Variants in REDIC1 observed in about 807,000 individuals in gnomAD.
REDIC1 encodes HEI10 Interacting Protein 1.
the REDIC1 span, among the ~76,000 whole-genome samples, chr12:39,873,215 C>T: frequency 6.6e-6 from 1 of 152,252 alleles, no homozygotes; most frequent in Non-Finnish European, 1.5e-5. Flanking sequence ...TTACTGATCA[C>T]ACTAAAAAGC....
At chr12:39,906,470 T>C in the REDIC1 span, among the ~76,000 whole-genome samples, 1 of 152,148 alleles carries the variant, frequency 6.6e-6, no homozygotes, top group Non-Finnish European at 1.5e-5. Flanking sequence ...AGGGGAAAGT[T>C]ACAGCATTTA....
the REDIC1 span, among the ~76,000 whole-genome samples, chr12:39,691,365 A>T: frequency 2.7e-3 from 418 of 152,284 alleles, 5 homozygotes; most frequent in African/African-American, 8.2e-3. Flanking sequence ...ATAGAAAAAA[A>T]TTTTTATAAG....
chr12:39,720,181 G>C, the REDIC1 span, among the ~76,000 whole-genome samples: 1 of 151,796 alleles, frequency 6.6e-6, no homozygotes, highest in Non-Finnish European at 1.5e-5. Context: ...TATAACAGTT[G>C]AGATATGTAT....
At chr12:39,711,622 T>C in the REDIC1 span, among the ~76,000 whole-genome samples, 3 of 66,566 alleles carry the variant, frequency 4.5e-5, 1 homozygote, top group Non-Finnish European at 1.2e-4. Flanking sequence ...TGTATGTGTA[T>C]ACACGTATGT....
At chr12:39,642,162 A>T in the REDIC1 span, among the ~76,000 whole-genome samples, 1 of 151,912 alleles carries the variant, frequency 6.6e-6, no homozygotes, top group East Asian at 1.9e-4. Flanking sequence ...TGACAAAAAA[A>T]TTGAGCTTAG....
At chr12:39,671,226 G>C in the REDIC1 span, among the ~76,000 whole-genome samples, 1 of 152,164 alleles carries the variant, frequency 6.6e-6, no homozygotes, top group Non-Finnish European at 1.5e-5. Context: ...CCATAAAGTT[G>C]GTTGGGTAGG....
At chr12:39,646,926 A>G in the REDIC1 span, 1 of 1,343,358 alleles carries the variant, frequency 7.4e-7, no homozygotes, top group Non-Finnish European at 1.0e-6. Context: ...TTATTTCAGC[A>G]ATTGTGATAT....
the REDIC1 span, among the ~76,000 whole-genome samples, chr12:39,703,995 C>A: frequency 6.6e-6 from 1 of 152,180 alleles, no homozygotes. Context: ...CTAGGCATTA[C>A]CATTCAGGAC....
At chr12:39,896,262 GTGTGTATATATGTATACATGTATGTATA>G in the REDIC1 span, among the ~76,000 whole-genome samples, 2 of 71,456 alleles carry the variant, frequency 2.8e-5, no homozygotes, top group Non-Finnish European at 6.2e-5. Flanking sequence ...GTATGTATAT[GTGTGTATATATGTATACATGTATGTATA>G]TGTGTGTATA....
At chr12:39,776,543 C>A in the REDIC1 span, among the ~76,000 whole-genome samples, 1 of 152,144 alleles carries the variant, frequency 6.6e-6, no homozygotes, top group Non-Finnish European at 1.5e-5. Flanking sequence ...TAGAGTGACA[C>A]AGAAGTTGAA....
chr12:39,896,441 T>A, the REDIC1 span, among the ~76,000 whole-genome samples: 2 of 143,892 alleles, frequency 1.4e-5, no homozygotes, highest in Non-Finnish European at 3.0e-5. Context: ...TGTATACATA[T>A]ATGTATATGT....
chr12:39,840,415 C>T, the REDIC1 span, among the ~76,000 whole-genome samples: 1 of 152,034 alleles, frequency 6.6e-6, no homozygotes, highest in Non-Finnish European at 1.5e-5. Context: ...AAGAGCTTCC[C>T]ATTGCCTATA....
At chr12:39,713,092 GAT>G in the REDIC1 span, among the ~76,000 whole-genome samples, 2 of 148,088 alleles carry the variant, frequency 1.4e-5, no homozygotes, top group East Asian at 2.0e-4. Flanking sequence ...TGTATGTGTA[GAT>G]ATGTGCATAT....
the REDIC1 span, among the ~76,000 whole-genome samples, chr12:39,795,204 CTCTG>C: frequency 4.6e-5 from 7 of 151,972 alleles, no homozygotes; most frequent in Non-Finnish European, 7.4e-5. Context: ...CTCTCTCTCT[CTCTG>C]TGTGTGTCAC....
At chr12:39,812,763 C>T in the REDIC1 span, among the ~76,000 whole-genome samples, 1 of 148,724 alleles carries the variant, frequency 6.7e-6, no homozygotes, top group Admixed American at 6.8e-5. Context: ...TGAGTCATTG[C>T]ACCTGGCGGT....
chr12:39,707,655 C>T, the REDIC1 span, among the ~76,000 whole-genome samples: 6 of 151,868 alleles, frequency 4.0e-5, no homozygotes, highest in African/African-American at 1.4e-4. Flanking sequence ...GTTAATTAAA[C>T]ACAATCTAAT....
At chr12:39,721,637 C>CA in the REDIC1 span, 1 of 157,130 alleles carries the variant, frequency 6.4e-6, no homozygotes, top group Non-Finnish European at 1.4e-5. Flanking sequence ...CATTTTCTGG[C>CA]AAAAATGTTC....
At chr12:39,811,228 A>C in the REDIC1 span, among the ~76,000 whole-genome samples, 1 of 152,008 alleles carries the variant, frequency 6.6e-6, no homozygotes, top group African/African-American at 2.4e-5. Context: ...GCTATGACTT[A>C]ATCTGCTTTT....
chr12:39,895,747 TATGCGTGTATACGTACAC>T, the REDIC1 span, among the ~76,000 whole-genome samples: 2 of 115,768 alleles, frequency 1.7e-5, no homozygotes, highest in African/African-American at 3.2e-5. Context: ...CACACATGTA[TATGCGTGTATACGTACAC>T]ACATGTATAT....
Sources: gnomAD v4.1 joint callset for allele counts (sites outside exome capture counted in the v4.1 genomes callset) on GRCh38, gnomAD v4.1.1 for gene constraint, MANE v1.5 for transcripts, NCBI Gene and HGNC (gene_info 2026-07-23, HGNC 2026-07-21) for gene names.